LAMA1: variants seen among roughly 807,000 people sequenced by gnomAD.
LAMA1 encodes laminin subunit alpha-1.
LAMA1 carries 219 observed loss-of-function variants against 348.7 expected under a neutral mutation model. The ratio of observed to expected loss-of-function variants is 0.63; its 90% confidence interval spans 0.56 to 0.70. LAMA1 has a LOEUF of 0.70. Among genes scored for constraint, LAMA1 ranks in the 30% least tolerant of loss-of-function variants. The pLI is 0.00. For missense variants in LAMA1, 3,744 were observed against 3,888.0 expected (o/e 0.96, Z 0.99); for synonymous variants, 1,487 against 1,491.0 (o/e 1.00, Z 0.06).
Position 6,956,668 on chromosome 18 carries a change from T to G in LAMA1, c.8062A>C (p.Ser2688Arg). 1 of 1,614,244 alleles carries G rather than the reference T, an allele frequency of 6.2e-7. No homozygotes were observed. The highest frequency in any genetic ancestry group is 8.5e-7 in the Non-Finnish European group (1 of 1,180,052). The change falls in exon 56 of 63, where the codon AGC (serine) becomes CGC (arginine). Residue 2688 changes from serine to arginine, a missense_variant. By Grantham distance (110) the Ser-to-Arg change is moderately radical. Coordinates refer to ENST00000389658, the MANE Select transcript of LAMA1 (RefSeq NM_005559.4). ...GCCCGGGGCTCTGGCAAGAGCTTGC[T>G]GTCCTCTGCATCGGGAGCCAGCTTA... The part of the protein sequence containing the change: ...RPKLAPDAED[S>R]KLLPEPRAFP...
Position 6,964,704 on chromosome 18 carries a change from T to C in LAMA1, c.7295A>G (p.Asp2432Gly). Reference protein sequence around the residue: ...ASSDLNRLDKDPIYVGGLPRS... With the variant: ...ASSDLNRLDKGPIYVGGLPRS... The stretch of plus-strand genomic sequence containing the variant: ...TGGTAATCCACCCACATAAATCGGG[T>C]CCTTGTCTAGGCGGTTGAGGTCAGA... The change falls in exon 51 of 63, where the codon GAC becomes GGC. Residue 2432 changes from aspartate to glycine, a missense_variant. Transcript: ENST00000389658. The C allele has an allele frequency of 3.1e-6, 5 of 1,614,110 alleles. No homozygotes were observed. The highest frequency in any genetic ancestry group is 4.2e-6 in the Non-Finnish European group (5 of 1,179,964).
intron 1 of LAMA1, among the ~76,000 whole-genome samples, chr18:7,102,484 C>T (rs1682677646): frequency 6.6e-6 from 1 of 152,046 alleles, no homozygotes; most frequent in African/African-American, 2.4e-5. Context: ...AACAAGTCTG[C>T]AGTCACATTA....
At position 6,992,503 on chromosome 18, in the gene LAMA1, T is replaced by C. The variant is rs962272347; in HGVS notation, c.5168+58A>G. On this transcript the variant is annotated intron_variant, in intron 36 of 62. Transcript: ENST00000389658. ...ACGATGCCTCCTTCTCCTTTGGAGA[T>C]AGCGTGCAAGTTTCTCTCTCTACTT... 8 of 1,561,618 alleles carry C rather than the reference T, an allele frequency of 5.1e-6. No individual in the cohort carries two copies. In the African/African-American group the frequency reaches 6.8e-5, roughly 13 times the overall value.
intron 1 of LAMA1, among the ~76,000 whole-genome samples, chr18:7,081,099 G>A (rs577884581): frequency 1.1e-4 from 17 of 151,952 alleles, no homozygotes; most frequent in African/African-American, 3.9e-4. Flanking sequence ...CAGTTCAGCC[G>A]CTGTGGAGAT....
chr18:7,038,456 CCAT>C (rs568626376), intron 11 of LAMA1: 125 of 371,448 alleles, frequency 3.4e-4, no homozygotes, highest in African/African-American at 2.5e-3. Context: ...TGGAAAATCC[CCAT>C]GGCCCCACGG....
intron 6 of LAMA1, 51 bp downstream of exon 6, chr18:7,046,227 C>T (rs1303497526): frequency 8.6e-7 from 1 of 1,156,932 alleles, no homozygotes; most frequent in Non-Finnish European, 1.3e-6. Context: ...AATATTATAG[C>T]TACAATTTCT....
At chr18:7,027,533 A>AAAC (rs201990444) in intron 16 of LAMA1, among the ~76,000 whole-genome samples, 12 of 149,562 alleles carry the variant, frequency 8.0e-5, no homozygotes, top group South Asian at 4.2e-4. Context: ...TAGACATGAG[A>AAAC]AACAACAACA....
At chr18:7,044,993 T>C (rs2058036246) in intron 6 of LAMA1, among the ~76,000 whole-genome samples, 154 bp from the exon 7 acceptor site, 1 of 152,212 alleles carries the variant, frequency 6.6e-6, no homozygotes, top group Non-Finnish European at 1.5e-5. Context: ...ATTTAATTTT[T>C]AGATGCCAAT....
chr18:7,034,696 AT>A lies in LAMA1; in HGVS notation c.1840-7del. ...CTTAAAGTGAGTCCGTTTCCCTAAC[AT>A]TTAAAAACAAGAGAAAATATATTTG... is the stretch of plus-strand genomic sequence containing the variant. On this transcript the variant is annotated splice_region_variant and splice_polypyrimidine_tract_variant and intron_variant, in intron 13 of 62. Coordinates refer to ENST00000389658, the MANE Select transcript of LAMA1 (RefSeq NM_005559.4). The A allele has an allele frequency of 6.2e-7, 1 of 1,608,066 alleles. No individual in the cohort carries two copies. Among genetic ancestry groups the A allele is most frequent in the Non-Finnish European group, 8.5e-7 (1 of 1,174,700 alleles).
chr18:7,007,246 G>A lies in LAMA1; in HGVS notation c.4153C>T (p.Leu1385Phe). Residue 1385 changes from leucine to phenylalanine, a missense_variant, in exon 29 of 63, where the codon CTC (leucine) becomes TTC (phenylalanine). Leu to Phe is a conservative substitution (Grantham distance 22, BLOSUM62 0). Coordinates refer to ENST00000389658, the MANE Select transcript of LAMA1 (RefSeq NM_005559.4). Reference sequence around the variant, plus strand: ...GGTCCCCTGTCACTCCCTGCTGGGAGCTTCCCTCTGTGGTACCCAGGGGCG... The same window carrying A: ...GGTCCCCTGTCACTCCCTGCTGGGAACTTCCCTCTGTGGTACCCAGGGGCG... ...DCAPGYHRGK[L>F]PAGSDRGPRP... The A allele has an allele frequency of 6.2e-7, 1 of 1,614,124 alleles. No individual in the cohort carries two copies. The highest frequency in any genetic ancestry group is 8.5e-7 in the Non-Finnish European group (1 of 1,180,018).
At chr18:7,020,648 T>C (rs1233387978) in intron 19 of LAMA1, among the ~76,000 whole-genome samples, 2 of 152,310 alleles carry the variant, frequency 1.3e-5, no homozygotes. Flanking sequence ...TCAGCCCTAC[T>C]AGCCCAGGCC....
intron 8 of LAMA1, chr18:7,042,506 C>T (rs1010511171): frequency 2.4e-6 from 1 of 412,890 alleles, no homozygotes; most frequent in South Asian, 2.2e-5. Context: ...TCCAGCCCCC[C>T]TCGCGCTGCT....
chr18:7,046,902 C>T (rs1598296104), intron 5 of LAMA1, among the ~76,000 whole-genome samples: 1 of 152,246 alleles, frequency 6.6e-6, no homozygotes, highest in East Asian at 1.9e-4. Flanking sequence ...AAATGTGATT[C>T]ATTTTTGTTC....
chr18:7,077,944 A>G (rs1218656017), intron 3 of LAMA1, among the ~76,000 whole-genome samples: 3 of 151,034 alleles, frequency 2.0e-5, no homozygotes, highest in Admixed American at 2.0e-4. Context: ...CACTCCTGTA[A>G]TCCCAGCTAC....
At chr18:7,092,228 G>T (rs2058242158) in intron 1 of LAMA1, among the ~76,000 whole-genome samples, 1 of 152,074 alleles carries the variant, frequency 6.6e-6, no homozygotes, top group South Asian at 2.1e-4. Context: ...TTTTTCAAAA[G>T]GCTATTCCTA....
chr18:7,043,890 A>T (rs752324559), intron 7 of LAMA1, among the ~76,000 whole-genome samples: 28 of 152,160 alleles, frequency 1.8e-4, no homozygotes, highest in Non-Finnish European at 4.1e-4. Context: ...GCGCCATGGC[A>T]CACGCCTGTA....
intron 19 of LAMA1, among the ~76,000 whole-genome samples, chr18:7,020,283 G>A (rs1374278696): frequency 1.3e-5 from 2 of 152,158 alleles, no homozygotes; most frequent in African/African-American, 4.8e-5. Flanking sequence ...AGGTGAACCT[G>A]ACGATCAGTT....
chr18:7,059,731 A>G (rs1402627795), intron 3 of LAMA1, among the ~76,000 whole-genome samples: 1 of 152,192 alleles, frequency 6.6e-6, no homozygotes, highest in Non-Finnish European at 1.5e-5. Flanking sequence ...CGGTCTGAAA[A>G]TTCTCCATAA....
chr18:7,043,086 T>C, intron 8 of LAMA1, 141 bp downstream of exon 8: 2 of 772,048 alleles, frequency 2.6e-6, no homozygotes, highest in Non-Finnish European at 4.4e-6. Context: ...AGGAAATATA[T>C]ATATAAAAAC....
Sources: allele counts gnomAD v4.1 joint callset (sites outside exome capture counted in the v4.1 genomes callset), GRCh38; gene constraint gnomAD v4.1.1; transcripts MANE v1.5; gene names NCBI Gene and HGNC (gene_info 2026-07-23, HGNC 2026-07-21).